The following PTPRH variants were observed in gnomAD, a reference collection of about 807,000 sequenced individuals.
PTPRH encodes the protein protein tyrosine phosphatase receptor type H.
In PTPRH, 113 loss-of-function variants were observed where a neutral mutation model predicts 130.2. The observed-to-expected ratio is 0.87, with a 90% confidence interval of 0.75 to 1.01. The LOEUF is 1.01. PTPRH is among the 50% of genes least tolerant of loss of function. The probability of loss-of-function intolerance (pLI) is 0.00; values close to 1 mark genes in which losing one functional copy is unlikely to be tolerated. For missense variants in PTPRH, 1,430 were observed against 1,425.0 expected (o/e 1.00, Z -0.06); for synonymous variants, 556 against 577.9 (o/e 0.96, Z 0.54).
chr19:55,190,094 G>A (rs1251852355), intron 12 of PTPRH, among the ~76,000 whole-genome samples: 1 of 152,008 alleles, frequency 6.6e-6, no homozygotes, highest in Non-Finnish European at 1.5e-5. Context: ...AAATAGGCCA[G>A]GGGCTGTGGC....
rs8112238 is a variant in PTPRH, at chr19:55,181,713, G to C, written c.*41C>G. On this transcript the variant is annotated 3_prime_UTR_variant, in exon 20 of 20. Transcript: ENST00000376350. ...ATCTGGGCTCAAGTGGGTGTCCAGA[G>C]CTTGAGGATGCCTGGGCTGCCGACC... 0.11 allele frequency: 181,486 copies of C among 1,612,118 alleles called. 11,198 individuals carry two copies. Among genetic ancestry groups the C allele is most frequent in the South Asian group, 0.2 (17,742 of 90,968 alleles).
chr19:55,205,611 G>A lies in PTPRH; in HGVS notation c.353-19C>T. On this transcript the variant is annotated intron_variant, in intron 3 of 19. Transcript: ENST00000376350. ...TTGGGAGCTGAAAACCAGCACAGGAGGGAAAATCAGTTGTAGTTTCTGGCC... is the reference window on the plus strand; with the variant it reads ...TTGGGAGCTGAAAACCAGCACAGGAAGGAAAATCAGTTGTAGTTTCTGGCC... 5.0e-6 allele frequency: 8 copies of A among 1,612,894 alleles called. No homozygotes were observed. Among genetic ancestry groups the A allele is most frequent in the Non-Finnish European group, 6.8e-6 (8 of 1,179,286 alleles).
At chr19:55,183,534 G>C (rs989524020) in intron 18 of PTPRH, among the ~76,000 whole-genome samples, 8 of 151,564 alleles carry the variant, frequency 5.3e-5, no homozygotes, top group Non-Finnish European at 1.0e-4. Flanking sequence ...GACCAGCCTG[G>C]CCAACATGAA....
chr19:55,197,123 A>AAGGGGATT lies in PTPRH; in HGVS notation c.1983_1984insAATCCCCT (p.Ser662AsnfsTer26). 1.9e-6 allele frequency: 3 copies of AAGGGGATT among 1,613,726 alleles called. No homozygotes were observed. The South Asian group carries it at 3.3e-5, about 18-fold the overall frequency. ...GCAGGAAGGGGATTCTCACATGTGG[A>AAGGGGATT]CGCACAGAGGCTCTGCGTGGAACTG... On this transcript the variant is annotated frameshift_variant, in exon 9 of 20. Coordinates refer to ENST00000376350, the MANE Select transcript of PTPRH (RefSeq NM_002842.5). LOFTEE classifies it high-confidence loss of function.
rs764368977 is a variant in PTPRH, at chr19:55,186,218, C to A, written c.2778+7G>T. The A allele has an allele frequency of 3.1e-6, 5 of 1,605,562 alleles. No homozygotes were observed. The Admixed American group carries it at 8.4e-5, about 27-fold the overall frequency. On this transcript the variant is annotated splice_region_variant and intron_variant, in intron 16 of 19. Coordinates refer to ENST00000376350, the MANE Select transcript of PTPRH (RefSeq NM_002842.5). ...CCCAGTCAGCACCCAGGACTCAGAT[C>A]TCTCACCCGGCCGGCCTCCATGCAG...
intron 15 of PTPRH, 37 bp downstream of exon 15, chr19:55,186,427 G>T (rs111326663): frequency 1.9e-6 from 3 of 1,613,638 alleles, no homozygotes; most frequent in Admixed American, 1.7e-5. Context: ...CTCTCCAGGC[G>T]TGCTGGGCAC....
intron 10 of PTPRH, chr19:55,194,402 G>A (rs1329191445): frequency 1.2e-5 from 13 of 1,106,296 alleles, no homozygotes; most frequent in Non-Finnish European, 1.4e-5. Context: ...TGGACTAGAG[G>A]ACCTGTTCTC....
At position 55,197,240 on chromosome 19, in the gene PTPRH, T is replaced by G; in HGVS notation, c.1867A>C (p.Ser623Arg). 1 of 1,614,278 alleles carries G rather than the reference T, an allele frequency of 6.2e-7. No individual in the cohort carries two copies. Among genetic ancestry groups the G allele is most frequent in the Non-Finnish European group, 8.5e-7 (1 of 1,180,042 alleles). ...DPQANWVNQT[S>R]RTNETWYKVE... ...TTGTACCACGTCTCATTGGTCCTGCTGGTCTGGTTGACCCAATTCGCTTGG... is the reference window on the plus strand; with the variant it reads ...TTGTACCACGTCTCATTGGTCCTGCGGGTCTGGTTGACCCAATTCGCTTGG... The change falls in exon 9 of 20, where the codon AGC becomes CGC. Residue 623 changes from serine to arginine, a missense_variant. Physicochemically the swap from Ser to Arg is moderately radical, Grantham distance 110. Coordinates refer to ENST00000376350, the MANE Select transcript of PTPRH (RefSeq NM_002842.5).
chr19:55,188,230 G>A, intron 12 of PTPRH, 62 bp from the exon 13 acceptor site: 1 of 1,372,340 alleles, frequency 7.3e-7, no homozygotes. Context: ...GCACTTTTGA[G>A]GGCTGGGCAT....
At chr19:55,191,337 A>G (rs2086528559) in intron 12 of PTPRH, among the ~76,000 whole-genome samples, 164 bp downstream of exon 12, 1 of 152,136 alleles carries the variant, frequency 6.6e-6, no homozygotes, top group African/African-American at 2.4e-5. Context: ...TTGGGGAGTG[A>G]GTCACGATGG....
In PTPRH at chr19:55,209,441, G is replaced by C; in HGVS notation, c.-8C>G. ...CCCGCCAGCCCCAGCCATGCCTCCA[G>C]ACACTGCCGGGGACCCAGGAGTCCC... On this transcript the variant is annotated 5_prime_UTR_variant, in exon 1 of 20. Coordinates refer to ENST00000376350, the MANE Select transcript of PTPRH (RefSeq NM_002842.5). The surrounding 1 kb of genome is among the most constrained non-coding windows in gnomAD (Gnocchi z 4.1). 6.5e-7 allele frequency: 1 copy of C among 1,549,664 alleles called. No homozygotes were observed. Among genetic ancestry groups the C allele is most frequent in the Non-Finnish European group, 8.7e-7 (1 of 1,143,320 alleles).
Position 55,182,137 on chromosome 19 carries a change from C to G in PTPRH, c.3077G>C (p.Arg1026Pro), listed in dbSNP as rs376054614. 6 of 1,613,628 alleles carry G rather than the reference C, an allele frequency of 3.7e-6. No individual in the cohort carries two copies. Among genetic ancestry groups the G allele is most frequent in the Non-Finnish European group, 5.1e-6 (6 of 1,180,026 alleles). Residue 1026 changes from arginine (R) to proline (P), a missense_variant, in exon 19 of 20, where the codon CGC (arginine) becomes CCC (proline). Coordinates refer to ENST00000376350, the MANE Select transcript of PTPRH (RefSeq NM_002842.5). ...GTCCAGGGCAATGAGGGTTCCTGTG[C>G]GACCCACGCCAGCACTAGGCAGAAC... ...PIVHCSAGVGRTGTLIALDVL... is the reference protein window; with the variant it reads ...PIVHCSAGVGPTGTLIALDVL...
At chr19:55,191,896 A>G in intron 10 of PTPRH, 155 bp from the exon 11 acceptor site, 2 of 733,740 alleles carry the variant, frequency 2.7e-6, no homozygotes, top group South Asian at 1.4e-5. Context: ...GTCCAGTTAT[A>G]CTTACGCGCT....
intron 3 of PTPRH, among the ~76,000 whole-genome samples, chr19:55,206,382 G>A (rs114011282): frequency 0.039 from 5,796 of 149,614 alleles, 258 homozygotes; most frequent in Admixed American, 0.094. Context: ...GGAGTGCAGC[G>A]GTCCAATCAG....
At chr19:55,191,788 G>A in intron 10 of PTPRH, 47 bp from the exon 11 acceptor site, 6 of 1,505,080 alleles carry the variant, frequency 4.0e-6, no homozygotes, top group Non-Finnish European at 5.5e-6. Flanking sequence ...GGTCTGAGCT[G>A]CTCATCTGTC....
rs754048439 is a variant in PTPRH at position 55,188,068 on chromosome 19, C to T, written c.2475+10G>A. 1.2e-6 allele frequency: 2 copies of T among 1,611,078 alleles called. No individual in the cohort carries two copies. Among genetic ancestry groups the T allele is most frequent in the Middle Eastern group, 1.7e-4 (1 of 6,046 alleles). Reference sequence around the variant, plus strand: ...GGAGACTGAGCTCAGCCCCTCTGTCCTCTCCCCACCTGGTACTCGTCTGCA... The same window carrying T: ...GGAGACTGAGCTCAGCCCCTCTGTCTTCTCCCCACCTGGTACTCGTCTGCA... On this transcript the variant is annotated intron_variant, in intron 13 of 19. Transcript: ENST00000376350.
intron 6 of PTPRH, among the ~76,000 whole-genome samples, chr19:55,200,922 G>A (rs1385570071): frequency 3.3e-5 from 5 of 149,990 alleles, no homozygotes; most frequent in Non-Finnish European, 4.4e-5. Context: ...CAGCCTGGGC[G>A]ACACAGCGAG....
At chr19:55,204,548 C>T (rs1471842658) in intron 4 of PTPRH, among the ~76,000 whole-genome samples, 1 of 152,188 alleles carries the variant, frequency 6.6e-6, no homozygotes, top group Non-Finnish European at 1.5e-5. Context: ...TGCAGGTTCT[C>T]ACTCAGCAGG....
Position 55,206,978 on chromosome 19 carries a change from T to C in PTPRH, c.86-23A>G, listed in dbSNP as rs776951082. On this transcript the variant is annotated intron_variant, in intron 2 of 19. Coordinates refer to ENST00000376350, the MANE Select transcript of PTPRH (RefSeq NM_002842.5). ...GGGCTGAGAATTGGGAAGGAAGGTC[T>C]GACAAAAAGGGAACCAGGTCAGTAC... is the stretch of plus-strand genomic sequence containing the variant. 6 of 1,568,834 alleles carry C rather than the reference T, an allele frequency of 3.8e-6. No individual in the cohort carries two copies. The Admixed American group carries it at 9.2e-5, about 24-fold the overall frequency.
Sources: gnomAD v4.1 joint callset for allele counts (sites outside exome capture counted in the v4.1 genomes callset) on GRCh38, gnomAD v4.1.1 for gene constraint, Gnocchi (gnomAD v3.1) non-coding constraint, MANE v1.5 for transcripts, NCBI Gene and HGNC (gene_info 2026-07-23, HGNC 2026-07-21) for gene names.